GSE1: variants seen among roughly 807,000 people sequenced by gnomAD.
GSE1 encodes the protein Gse1 coiled-coil protein, also known as genetic suppressor element 1.
In GSE1, 32 loss-of-function variants were observed where a neutral mutation model predicts 112.6. The observed-to-expected ratio is 0.28, with a 90% CI of 0.21 to 0.38. GSE1 has a LOEUF of 0.38. GSE1 is among the 10% of genes least tolerant of loss of function. The probability of loss-of-function intolerance (pLI) is 1.00; values close to 1 mark genes in which losing one functional copy is unlikely to be tolerated. For synonymous variants in GSE1, 1,115 were observed against 735.6 expected, an observed-to-expected ratio of 1.52 and a Z score of -8.35; for missense variants, 2,348 against 1,699.2, an observed-to-expected ratio of 1.38 and a Z score of -6.71.
At position 85,357,511 on chromosome 16, in the gene GSE1, C is replaced by T. The variant is rs1003169526; in HGVS notation, c.2332C>T (p.Arg778Trp). 19 of 1,262,638 alleles carry T rather than the reference C, an allele frequency of 1.5e-5. No individual in the cohort carries two copies. The African/African-American group carries it at 1.9e-4, about 12-fold the overall frequency. 78.2% of individuals were successfully genotyped at this position (1,262,638 alleles called of 1,614,324 possible). A position where few individuals can be genotyped will look rare whatever the true frequency, so the allele number is the denominator to read the frequency against. Reference sequence around the variant, plus strand: ...ATCTGCAGCCAGCCACCCTCCCACCCGGGAGTCCGAGACCCGGCCACGCGC... The same window carrying T: ...ATCTGCAGCCAGCCACCCTCCCACCTGGGAGTCCGAGACCCGGCCACGCGC... Residue 778 changes from arginine to tryptophan, a missense_variant, in exon 2 of 3, where the codon CGG (arginine) becomes TGG (tryptophan). Coordinates refer to the GSE1 transcript ENST00000637419.
chr16:85,675,042 C>T lies in GSE1; in HGVS notation c.*2503C>T, dbSNP rs1246901210. 1 of 152,470 alleles carries T rather than the reference C, an allele frequency of 6.6e-6. No individual in the cohort carries two copies. Among genetic ancestry groups the T allele is most frequent in the African/African-American group, 2.4e-5 (1 of 41,458 alleles). 9.4% of individuals were successfully genotyped at this position (152,470 alleles called of 1,614,324 possible). Reference sequence around the variant, plus strand: ...AAGACACAGTACCCAGTCATGGTTTCCCCATCCAACTATTAGTTTCATACT... The same window carrying T: ...AAGACACAGTACCCAGTCATGGTTTTCCCATCCAACTATTAGTTTCATACT... On this transcript the variant is annotated 3_prime_UTR_variant, in exon 16 of 16. Coordinates refer to ENST00000253458, the MANE Select transcript of GSE1 (RefSeq NM_014615.5).
At chr16:85,643,871 T>G (rs186975423) in intron 2 of GSE1, among the ~76,000 whole-genome samples, 2 of 151,842 alleles carry the variant, frequency 1.3e-5, no homozygotes, top group East Asian at 3.9e-4. Context: ...CATGAGCTCT[T>G]GGCAGCCTCT....
At position 85,385,641 on chromosome 16, in the gene GSE1, G is replaced by C. The variant is rs1183920993; in HGVS notation, c.2464+27998G>C. On this transcript the variant is annotated intron_variant, in intron 2 of 2. Coordinates refer to the GSE1 transcript ENST00000637419. ...GGGCCAGCCTGGCTGCTGACAGATG[G>C]TCATGAGACCCGGGGAGTCTGATGA... 2.0e-5 allele frequency among the ~76,000 whole-genome samples: 3 copies of C among 152,322 alleles called. No homozygotes were observed. The East Asian group carries it at 5.8e-4, about 29-fold the overall frequency.
At chr16:85,397,278 G>T (rs1344519923) in intron 2 of GSE1, among the ~76,000 whole-genome samples, 2 of 152,200 alleles carry the variant, frequency 1.3e-5, no homozygotes, top group African/African-American at 2.4e-5. Flanking sequence ...TAGACTGGAG[G>T]GCCCAGGGCC....
At chr16:85,201,610 C>T (rs767714195) in intron 1 of GSE1, among the ~76,000 whole-genome samples, 1 of 151,728 alleles carries the variant, frequency 6.6e-6, no homozygotes, top group African/African-American at 2.4e-5. Context: ...TGAGATCAGG[C>T]CACTGCACTC....
At chr16:85,456,674 T>A (rs2078280911) in intron 2 of GSE1, among the ~76,000 whole-genome samples, 1 of 148,216 alleles carries the variant, frequency 6.7e-6, no homozygotes, top group Non-Finnish European at 1.5e-5. Context: ...CAGAAGGGAC[T>A]TGAGGCAGCT....
At chr16:85,380,523 C>T (rs2047522962) in intron 2 of GSE1, among the ~76,000 whole-genome samples, 2 of 152,106 alleles carry the variant, frequency 1.3e-5, no homozygotes, top group South Asian at 2.1e-4. Flanking sequence ...CCCCTCCACC[C>T]GCCACCCTGG....
At chr16:85,428,345 G>A (rs1188113382) in intron 2 of GSE1, among the ~76,000 whole-genome samples, 1 of 152,234 alleles carries the variant, frequency 6.6e-6, no homozygotes, top group East Asian at 1.9e-4. Context: ...TAGGTGTCAG[G>A]CATGGCATGG....
chr16:85,671,017 GT>G lies in GSE1; in HGVS notation c.3440del (p.Leu1147TyrfsTer17). Reference protein sequence around the residue: ...IEEQNLERQVLQTQCRRLEAR... With the variant: ...IEEQNLERQVXQTQCRRLEAR... ...CAGAGCAAAATCTGGAGCGGCAGGTGTTACAGACACAATGTAGACGACTGGA... is the reference window on the plus strand; with the variant it reads ...CAGAGCAAAATCTGGAGCGGCAGGTGTACAGACACAATGTAGACGACTGGA... On this transcript the variant is annotated frameshift_variant, in exon 15 of 16. Coordinates refer to ENST00000253458, the MANE Select transcript of GSE1 (RefSeq NM_014615.5). LOFTEE classifies it high-confidence loss of function. The G allele has an allele frequency of 6.2e-7, 1 of 1,610,974 alleles. No individual in the cohort carries two copies. Among genetic ancestry groups the G allele is most frequent in the Non-Finnish European group, 8.5e-7 (1 of 1,177,276 alleles).
intron 1 of GSE1, among the ~76,000 whole-genome samples, chr16:85,313,966 T>C (rs1392920153): frequency 6.6e-6 from 1 of 151,320 alleles, no homozygotes; most frequent in Non-Finnish European, 1.5e-5. Flanking sequence ...CTAGTGTGTG[T>C]GTGACACAGC....
At chr16:85,292,115 A>C (rs546818584) in intron 1 of GSE1, among the ~76,000 whole-genome samples, 2 of 151,200 alleles carry the variant, frequency 1.3e-5, no homozygotes, top group East Asian at 3.9e-4. Flanking sequence ...TTGTAACTGA[A>C]GGTGAAATTC....
At chr16:85,281,224 G>C (rs2044849210) in intron 1 of GSE1, among the ~76,000 whole-genome samples, 1 of 152,152 alleles carries the variant, frequency 6.6e-6, no homozygotes, top group Admixed American at 6.5e-5. Context: ...GAGGCCTGCA[G>C]AAGCCCTGTG....
intron 1 of GSE1, among the ~76,000 whole-genome samples, chr16:85,605,473 C>G (rs1359808388): frequency 6.6e-6 from 1 of 152,100 alleles, no homozygotes; most frequent in Admixed American, 6.5e-5. Context: ...TAAGGGAATG[C>G]TTCTGAGCTC....
chr16:85,598,277 T>C (rs1016956342), intron 1 of GSE1, among the ~76,000 whole-genome samples: 2 of 145,280 alleles, frequency 1.4e-5, no homozygotes, highest in Non-Finnish European at 1.5e-5. Context: ...TGGGACCCCA[T>C]GTGCTGTGCC....
chr16:85,403,259 C>T (rs551478919), intron 2 of GSE1, among the ~76,000 whole-genome samples: 29 of 152,278 alleles, frequency 1.9e-4, no homozygotes, highest in African/African-American at 7.0e-4. Flanking sequence ...CAGTCTGTAA[C>T]CGACACCGGA....
intron 1 of GSE1, among the ~76,000 whole-genome samples, chr16:85,209,110 C>T (rs1176434012): frequency 2.6e-5 from 4 of 151,474 alleles, no homozygotes; most frequent in South Asian, 2.1e-4. Context: ...TGATGGGGTT[C>T]GCTGTGTGTT....
rs368283128 is a variant in GSE1, at chr16:85,530,638, G to T, written c.2465-103276G>T. On this transcript the variant is annotated intron_variant, in intron 2 of 2. Coordinates refer to the GSE1 transcript ENST00000637419. ...TACAGCCTGCAACGAGGGCCCAGGGGACAGGTGCGTTCATTAAAATTTGAA... is the reference window on the plus strand; with the variant it reads ...TACAGCCTGCAACGAGGGCCCAGGGTACAGGTGCGTTCATTAAAATTTGAA... Among the ~76,000 whole-genome samples, 32 of 152,346 alleles carry T rather than the reference G, an allele frequency of 2.1e-4. No individual in the cohort carries two copies. The East Asian group carries it at 3.3e-3, about 16-fold the overall frequency.
At chr16:85,187,270 C>G (rs1380857461) in intron 1 of GSE1, among the ~76,000 whole-genome samples, 2 of 152,198 alleles carry the variant, frequency 1.3e-5, no homozygotes, top group African/African-American at 4.8e-5. Context: ...TGGAATGCAG[C>G]GTCAGCAGCA....
chr16:85,547,925 C>G (rs1009058229), intron 2 of GSE1, among the ~76,000 whole-genome samples: 2 of 145,438 alleles, frequency 1.4e-5, no homozygotes, highest in African/African-American at 5.0e-5. Flanking sequence ...TTTTTCTTTT[C>G]TTTATTCTAG....
Sources: gnomAD v4.1 joint callset for allele counts (sites outside exome capture counted in the v4.1 genomes callset) on GRCh38, gnomAD v4.1.1 for gene constraint, MANE v1.5 for transcripts, NCBI Gene and HGNC (gene_info 2026-07-23, HGNC 2026-07-21) for gene names.